The following LGR6 variants were observed in gnomAD, a reference collection of about 807,000 sequenced individuals.
The protein encoded by LGR6 is leucine rich repeat containing G protein-coupled receptor 6.
Under a neutral mutation model 69.4 loss-of-function variants are expected in LGR6, and 45 were observed. The ratio of observed to expected loss-of-function variants is 0.65; its 90% CI spans 0.51 to 0.83. The LOEUF is 0.83. Ranked by LOEUF, LGR6 falls within the 40% of genes least tolerant of loss-of-function variation. The pLI is 0.00. For missense variants in LGR6, 1,108 were observed against 1,246.7 expected (o/e 0.89, Z 1.68); for synonymous variants, 538 against 555.0 (o/e 0.97, Z 0.43).
Position 202,298,522 on chromosome 1 carries a change from A to T in LGR6, c.785+946A>T, listed in dbSNP as rs1441933708. On this transcript the variant is annotated intron_variant, in intron 7 of 17. Coordinates refer to ENST00000367278, the MANE Select transcript of LGR6 (RefSeq NM_001017403.2). ...GCCCCAAATTTTCAGGCAGCTTAGTATCTATTTTTTTTTTTTTTGAGACGG... is the reference window on the plus strand; with the variant it reads ...GCCCCAAATTTTCAGGCAGCTTAGTTTCTATTTTTTTTTTTTTTGAGACGG... 7.0e-5 allele frequency: 8 copies of T among 114,012 alleles called. 1 individual carries two copies. Among genetic ancestry groups the T allele is most frequent in the East Asian group, 3.4e-4 (1 of 2,946 alleles). 7.1% of individuals were successfully genotyped at this position (114,012 alleles called of 1,614,324 possible). A position where few individuals can be genotyped will look rare whatever the true frequency, so the allele number is the denominator to read the frequency against.
At chr1:202,201,831 T>C (rs954790149) in intron 1 of LGR6, among the ~76,000 whole-genome samples, 2 of 152,122 alleles carry the variant, frequency 1.3e-5, no homozygotes, top group African/African-American at 4.8e-5. Context: ...AGCACAGAAA[T>C]TGGGGACTCT....
intron 4 of LGR6, among the ~76,000 whole-genome samples, chr1:202,255,838 C>T (rs1489086189): frequency 1.3e-5 from 2 of 152,086 alleles, no homozygotes; most frequent in East Asian, 1.9e-4. Flanking sequence ...TAAAATTGTG[C>T]GAGTACATCA....
chr1:202,319,008 TCTC>T lies in LGR6; in HGVS notation c.2708_2710del (p.Ser903del), dbSNP rs1331169957. 2.5e-6 allele frequency: 4 copies of T among 1,613,910 alleles called. No individual in the cohort carries two copies. The highest frequency in any genetic ancestry group is 2.2e-5 in the East Asian group (1 of 44,858). ...TATGGCTTCCCCTCAGTGACCCTCA[TCTC>T]CTGTCAGCAGCCAGGGGCCCCCAGG... is the stretch of plus-strand genomic sequence containing the variant. On this transcript the variant is annotated inframe_deletion, in exon 18 of 18. Coordinates refer to ENST00000367278, the MANE Select transcript of LGR6 (RefSeq NM_001017403.2).
intron 6 of LGR6, among the ~76,000 whole-genome samples, chr1:202,294,487 C>T (rs1013178953): frequency 6.6e-6 from 1 of 152,172 alleles, no homozygotes; most frequent in African/African-American, 2.4e-5. Context: ...AGGTTGTAGT[C>T]ATCTGGACGC....
intron 1 of LGR6, among the ~76,000 whole-genome samples, chr1:202,202,491 C>G (rs1327451694): frequency 6.6e-6 from 1 of 152,198 alleles, no homozygotes; most frequent in Admixed American, 6.5e-5. Context: ...TGTTTGCAGC[C>G]AAGCAGACAT....
In LGR6 at chr1:202,268,439, C is replaced by T. The variant is rs899900764; in HGVS notation, c.429-7867C>T. On this transcript the variant is annotated intron_variant, in intron 4 of 17. Transcript: ENST00000367278. The surrounding 1 kb of genome is among the most constrained non-coding windows in gnomAD (Gnocchi z 4.4). ...TGGAATATTTTCCCCACAGAATAACCATTTCCATAGTGGCTGCTTTTTTTT... is the reference window on the plus strand; with the variant it reads ...TGGAATATTTTCCCCACAGAATAACTATTTCCATAGTGGCTGCTTTTTTTT... 1.7e-4 allele frequency among the ~76,000 whole-genome samples: 26 copies of T among 152,248 alleles called. No homozygotes were observed. The highest frequency in any genetic ancestry group is 5.8e-4 in the African/African-American group (24 of 41,550).
intron 17 of LGR6, 56 bp downstream of exon 17, chr1:202,314,938 C>T: frequency 3.1e-6 from 4 of 1,290,126 alleles, no homozygotes; most frequent in Non-Finnish European, 4.5e-6. Context: ...GGCACCCAAC[C>T]ACCTAGTTGA....
chr1:202,240,913 A>G (rs1413727662), intron 4 of LGR6, among the ~76,000 whole-genome samples: 1 of 152,208 alleles, frequency 6.6e-6, no homozygotes, highest in Non-Finnish European at 1.5e-5. Flanking sequence ...CCCTAAAGCT[A>G]CATGAGATGT....
Position 202,318,566 on chromosome 1 carries a change from T to G in LGR6, c.2263T>G (p.Tyr755Asp). 4 of 1,614,130 alleles carry G rather than the reference T, an allele frequency of 2.5e-6. No individual in the cohort carries two copies. The highest frequency in any genetic ancestry group is 3.4e-6 in the Non-Finnish European group (4 of 1,180,030). Residue 755 changes from tyrosine to aspartate, a missense_variant, in exon 18 of 18, where the codon TAC becomes GAC. Physicochemically the swap from Tyr to Asp is radical, Grantham distance 160. Transcript: ENST00000367278. ...CGTGGCCGGTGCCTACATCAAACTG[T>G]ACTGTGACCTGCCGCGGGGCGACTT... ...LVVAGAYIKL[Y>D]CDLPRGDFEA...
Position 202,225,420 on chromosome 1 carries a change from C to G in LGR6, c.213-3C>G. On this transcript the variant is annotated splice_region_variant and splice_polypyrimidine_tract_variant and intron_variant, in intron 1 of 17. Coordinates refer to ENST00000367278, the MANE Select transcript of LGR6 (RefSeq NM_001017403.2). ...GCTCCTTTTTCCATCTTCTCTCCAC[C>G]AGGGACCTCAGCATGAACAACCTCA... 6.2e-7 allele frequency: 1 copy of G among 1,613,564 alleles called. No individual in the cohort carries two copies. Among genetic ancestry groups the G allele is most frequent in the South Asian group, 1.1e-5 (1 of 91,058 alleles).
intron 10 of LGR6, among the ~76,000 whole-genome samples, chr1:202,303,896 C>G (rs1028856682): frequency 6.6e-6 from 1 of 152,186 alleles, no homozygotes; most frequent in African/African-American, 2.4e-5. Context: ...CTGGGGCTCT[C>G]CTCTGTGCCT....
rs1343365361 is a variant in LGR6 at position 202,253,786 on chromosome 1, G to A, written c.428+17793G>A. 3.1e-4 allele frequency among the ~76,000 whole-genome samples: 43 copies of A among 137,856 alleles called. No homozygotes were observed. The East Asian group carries it at 6.5e-3, about 21-fold the overall frequency. The allele number at this position is 137,856 out of a possible 152,430, so 90.4% of individuals were successfully genotyped here. A position where few individuals can be genotyped will look rare whatever the true frequency, so the allele number is the denominator to read the frequency against. ...TGGGACTACAGGCATATGCCACCAC[G>A]CCTGGCTAATTTTTTTTTTTTTTTT... On this transcript the variant is annotated intron_variant, in intron 4 of 17. Coordinates refer to ENST00000367278, the MANE Select transcript of LGR6 (RefSeq NM_001017403.2).
In LGR6 at chr1:202,244,529, G is replaced by A. The variant is rs568429114; in HGVS notation, c.428+8536G>A. Reference sequence around the variant, plus strand: ...CTTCCAGCTTCCGGCAGCTGCTGGCGTTCCTTGTGGCTGCATCACTCCAGT... The same window carrying A: ...CTTCCAGCTTCCGGCAGCTGCTGGCATTCCTTGTGGCTGCATCACTCCAGT... On this transcript the variant is annotated intron_variant, in intron 4 of 17. Transcript: ENST00000367278. Among the ~76,000 whole-genome samples the A allele has an allele frequency of 9.2e-5, 14 of 152,126 alleles. No homozygotes were observed. The South Asian group carries it at 1.5e-3, about 16-fold the overall frequency.
chr1:202,315,733 T>C (rs1431036061), intron 17 of LGR6, among the ~76,000 whole-genome samples: 1 of 152,244 alleles, frequency 6.6e-6, no homozygotes, highest in African/African-American at 2.4e-5. Context: ...ATAGAGTGAT[T>C]GCCTGGCCTT....
intron 1 of LGR6, among the ~76,000 whole-genome samples, chr1:202,218,681 G>A (rs1659946005): frequency 6.6e-6 from 1 of 152,146 alleles, no homozygotes; most frequent in Non-Finnish European, 1.5e-5. Context: ...GCTCTCTGGT[G>A]CTTTCCTCTC....
intron 2 of LGR6, 111 bp downstream of exon 2, chr1:202,225,605 C>A: frequency 1.1e-6 from 1 of 905,266 alleles, no homozygotes; most frequent in Non-Finnish European, 1.7e-6. Flanking sequence ...GCTTGGGAAG[C>A]TAAGACAGTT....
chr1:202,289,558 G>T (rs1198797436), intron 6 of LGR6, among the ~76,000 whole-genome samples: 1 of 152,182 alleles, frequency 6.6e-6, no homozygotes, highest in Non-Finnish European at 1.5e-5. Context: ...GTGGAAGGAG[G>T]GAGGTTGTAT....
chr1:202,208,581 C>A (rs949957808), intron 1 of LGR6, among the ~76,000 whole-genome samples: 2 of 151,952 alleles, frequency 1.3e-5, no homozygotes, highest in Non-Finnish European at 2.9e-5. Flanking sequence ...CTACCCAGAA[C>A]AAGGCCCCCC....
In LGR6 at chr1:202,280,972, C is replaced by T. The variant is rs573323143; in HGVS notation, c.716+120C>T. 51 of 856,742 alleles carry T rather than the reference C, an allele frequency of 6.0e-5. 1 individual carries two copies. In the South Asian group the frequency reaches 6.5e-4, roughly 11 times the overall value. 53.1% of individuals were successfully genotyped at this position (856,742 alleles called of 1,614,324 possible). A position where few individuals can be genotyped will look rare whatever the true frequency, so the allele number is the denominator to read the frequency against. ...GTCCTGGGATGCTGGGGTCTGGCCC[C>T]GGGCTTGTTTACCCACATGCCCCTC... On this transcript the variant is annotated intron_variant, in intron 6 of 17. Coordinates refer to ENST00000367278, the MANE Select transcript of LGR6 (RefSeq NM_001017403.2).
Sources: gnomAD v4.1 joint callset for allele counts (sites outside exome capture counted in the v4.1 genomes callset) on GRCh38, gnomAD v4.1.1 for gene constraint, Gnocchi (gnomAD v3.1) non-coding constraint, MANE v1.5 for transcripts, NCBI Gene and HGNC (gene_info 2026-07-23, HGNC 2026-07-21) for gene names.